The following XPR1 variants were observed in gnomAD, a reference collection of about 807,000 sequenced individuals.
XPR1 encodes the protein xenotropic and polytropic retrovirus receptor 1.
In XPR1, 28 loss-of-function variants were observed where a neutral mutation model predicts 87.5. The observed-to-expected ratio is 0.32, with a 90% CI of 0.24 to 0.44. The LOEUF (loss-of-function observed/expected upper bound fraction) is 0.44, where lower values mean the gene tolerates loss of function less well. Ranked by LOEUF, XPR1 falls within the 20% of genes least tolerant of loss-of-function variation. The pLI is 1.00. For missense variants in XPR1, 559 were observed against 862.3 expected, an observed-to-expected ratio of 0.65 and a Z score of 4.41; for synonymous variants, 300 against 306.1, an observed-to-expected ratio of 0.98 and a Z score of 0.21.
intron 2 of XPR1, among the ~76,000 whole-genome samples, chr1:180,754,684 G>A (rs1647662479): frequency 6.6e-6 from 1 of 151,876 alleles, no homozygotes; most frequent in African/African-American, 2.4e-5. Context: ...CTGGTCTTGA[G>A]CTCCTGGGCT....
At chr1:180,705,501 A>C (rs148623079) in intron 2 of XPR1, among the ~76,000 whole-genome samples, 63 of 152,330 alleles carry the variant, frequency 4.1e-4, no homozygotes, top group African/African-American at 1.4e-3. Flanking sequence ...TTGTTCCACA[A>C]TTGCTGTGCA....
intron 2 of XPR1, among the ~76,000 whole-genome samples, chr1:180,683,418 A>AG: frequency 2.0e-5 from 3 of 152,158 alleles, no homozygotes; most frequent in African/African-American, 7.2e-5. Flanking sequence ...TAGTGCTGCT[A>AG]TAAACATACG....
rs571869977 is a variant in XPR1 at position 180,634,890 on chromosome 1, G to A, written c.69+2620G>A. On this transcript the variant is annotated intron_variant, in intron 1 of 14. Coordinates refer to ENST00000367590, the MANE Select transcript of XPR1 (RefSeq NM_004736.4). ...ACAGTAAATACTAGTTTTTGTATGTGTTAGCCATGAGACCTGGGGACAATC... is the reference window on the plus strand; with the variant it reads ...ACAGTAAATACTAGTTTTTGTATGTATTAGCCATGAGACCTGGGGACAATC... Among the ~76,000 whole-genome samples, 291 of 151,902 alleles carry A rather than the reference G, an allele frequency of 1.9e-3. 1 individual carries two copies. Among genetic ancestry groups the A allele is most frequent in the African/African-American group, 6.0e-3 (249 of 41,472 alleles).
chr1:180,861,466 A>G (rs978453094), intron 11 of XPR1, among the ~76,000 whole-genome samples: 1 of 152,160 alleles, frequency 6.6e-6, no homozygotes, highest in Non-Finnish European at 1.5e-5. Context: ...ACATAGAATG[A>G]AATAAATACA....
chr1:180,817,724 C>T lies in XPR1; in HGVS notation c.763+6236C>T, dbSNP rs80242673. Among the ~76,000 whole-genome samples the T allele has an allele frequency of 0.022, 3,355 of 152,272 alleles. 417 individuals carry two copies. In the East Asian group the frequency reaches 0.37, roughly 17 times the overall value. On this transcript the variant is annotated intron_variant, in intron 7 of 14. Transcript: ENST00000367590. ...AGCCAGACACAAAGAATACATATTA[C>T]ATGATTCCATTTACATGGAGTTCAA... is the stretch of plus-strand genomic sequence containing the variant.
At chr1:180,883,883 C>A in intron 14 of XPR1, 123 bp from the exon 15 acceptor site, 1 of 764,024 alleles carries the variant, frequency 1.3e-6, no homozygotes, top group Non-Finnish European at 2.2e-6. Context: ...TCTGGTACAG[C>A]AGATAGTCCC....
intron 14 of XPR1, among the ~76,000 whole-genome samples, chr1:180,883,528 G>A (rs952233025): frequency 6.6e-6 from 1 of 152,024 alleles, no homozygotes; most frequent in African/African-American, 2.4e-5. Flanking sequence ...GGCCAACATG[G>A]TGAAAGCCCA....
intron 7 of XPR1, among the ~76,000 whole-genome samples, chr1:180,820,365 T>C (rs1214063237): frequency 1.3e-5 from 2 of 152,188 alleles, no homozygotes; most frequent in Non-Finnish European, 2.9e-5. Context: ...CCATAAATGG[T>C]GTCATACAAT....
chr1:180,790,953 G>A (rs1183192552), intron 3 of XPR1, among the ~76,000 whole-genome samples: 3 of 152,138 alleles, frequency 2.0e-5, no homozygotes, highest in Non-Finnish European at 2.9e-5. Flanking sequence ...ATAATTAGGA[G>A]ATAGAAAGAT....
At position 180,884,166 on chromosome 1, in the gene XPR1, A is replaced by G. The variant is rs1023663527; in HGVS notation, c.*100A>G. On this transcript the variant is annotated 3_prime_UTR_variant, in exon 15 of 15. Coordinates refer to ENST00000367590, the MANE Select transcript of XPR1 (RefSeq NM_004736.4). ...TACCTTTCCAGCCGAAAACAGGAGA[A>G]AACACATAACACATTTTCCGAGCTC... 2.0e-6 allele frequency: 2 copies of G among 1,020,054 alleles called. No homozygotes were observed. The highest frequency in any genetic ancestry group is 2.3e-5 in the Admixed American group (1 of 44,360). The allele number at this position is 1,020,054 out of a possible 1,614,324, so 63.2% of individuals were successfully genotyped here. A position where few individuals can be genotyped will look rare whatever the true frequency, so the allele number is the denominator to read the frequency against.
chr1:180,884,149 C>T lies in XPR1; in HGVS notation c.*83C>T. On this transcript the variant is annotated 3_prime_UTR_variant, in exon 15 of 15. Transcript: ENST00000367590. ...ACCAACGCAACCTCTAGTACCTTTC[C>T]AGCCGAAAACAGGAGAAAACACATA... 2 of 1,241,420 alleles carry T rather than the reference C, an allele frequency of 1.6e-6. No individual in the cohort carries two copies. The highest frequency in any genetic ancestry group is 2.3e-6 in the Non-Finnish European group (2 of 872,370). The allele number at this position is 1,241,420 out of a possible 1,614,324, so 76.9% of individuals were successfully genotyped here. A position where few individuals can be genotyped will look rare whatever the true frequency, so the allele number is the denominator to read the frequency against.
chr1:180,643,849 G>T (rs900952228), intron 1 of XPR1, among the ~76,000 whole-genome samples: 2 of 152,088 alleles, frequency 1.3e-5, no homozygotes, highest in Non-Finnish European at 2.9e-5. Flanking sequence ...AATGCTGATG[G>T]AGTTCAAGTA....
At chr1:180,643,557 T>C (rs1179973055) in intron 1 of XPR1, among the ~76,000 whole-genome samples, 1 of 152,216 alleles carries the variant, frequency 6.6e-6, no homozygotes, top group Non-Finnish European at 1.5e-5. Flanking sequence ...ACATATTTGT[T>C]GAATGAATTA....
intron 2 of XPR1, among the ~76,000 whole-genome samples, chr1:180,716,986 G>A (rs902468909): frequency 6.6e-6 from 1 of 152,126 alleles, no homozygotes; most frequent in African/African-American, 2.4e-5. Context: ...CCAAACACAC[G>A]TAATTTTCTT....
intron 2 of XPR1, among the ~76,000 whole-genome samples, chr1:180,710,676 G>A (rs913823762): frequency 1.3e-5 from 2 of 152,154 alleles, no homozygotes; most frequent in Non-Finnish European, 1.5e-5. Flanking sequence ...CGACAAAACC[G>A]CCATTGTCAT....
At chr1:180,801,142 C>G (rs1326296542) in intron 3 of XPR1, among the ~76,000 whole-genome samples, 1 of 152,246 alleles carries the variant, frequency 6.6e-6, no homozygotes, top group Non-Finnish European at 1.5e-5. Flanking sequence ...TCTGGCCTTT[C>G]TGTTCCAAGG....
chr1:180,836,415 AG>A (rs1168576092), intron 10 of XPR1, 106 bp from the exon 11 acceptor site: 2 of 1,149,896 alleles, frequency 1.7e-6, no homozygotes, highest in Non-Finnish European at 2.5e-6. Flanking sequence ...GTGATTCTGA[AG>A]GTTTTTTGCT....
chr1:180,682,656 A>G (rs1272766224), intron 2 of XPR1, among the ~76,000 whole-genome samples: 2 of 151,772 alleles, frequency 1.3e-5, no homozygotes, highest in African/African-American at 4.8e-5. Flanking sequence ...TGTGAATCGT[A>G]TATATTGGTT....
At chr1:180,641,935 T>A (rs1240669564) in intron 1 of XPR1, among the ~76,000 whole-genome samples, 1 of 152,212 alleles carries the variant, frequency 6.6e-6, no homozygotes, top group Non-Finnish European at 1.5e-5. Context: ...TAAGAGTCAG[T>A]AGGGATTTAA....
Sources: allele counts gnomAD v4.1 joint callset (sites outside exome capture counted in the v4.1 genomes callset), GRCh38; gene constraint gnomAD v4.1.1; transcripts MANE v1.5; gene names NCBI Gene and HGNC (gene_info 2026-07-23, HGNC 2026-07-21).